Variants in DLG2 observed in about 807,000 individuals in gnomAD.
The protein encoded by DLG2 is discs large MAGUK scaffold protein 2.
In DLG2, 45 loss-of-function variants were observed where a neutral mutation model predicts 132.5. The ratio of observed to expected loss-of-function variants is 0.34; its 90% confidence interval spans 0.27 to 0.44. The LOEUF (loss-of-function observed/expected upper bound fraction) is 0.44. DLG2 is among the 20% of genes least tolerant of loss of function. DLG2 has a pLI of 1.00. For synonymous variants in DLG2, 424 were observed against 419.6 expected, an observed-to-expected ratio of 1.01 and a Z score of -0.13; for missense variants, 1,045 against 1,196.9, an observed-to-expected ratio of 0.87 and a Z score of 1.87.
intron 4 of DLG2, among the ~76,000 whole-genome samples, chr11:85,159,666 A>G (rs2077875542): frequency 6.6e-6 from 1 of 152,166 alleles, no homozygotes; most frequent in African/African-American, 2.4e-5. Context: ...TCATTGCTTG[A>G]GCAAATTAAC....
chr11:84,797,485 T>G (rs1304562298), intron 6 of DLG2, among the ~76,000 whole-genome samples: 1 of 152,196 alleles, frequency 6.6e-6, no homozygotes, highest in Non-Finnish European at 1.5e-5. Context: ...TTCTTTCTTC[T>G]TTTTGATCAA....
intron 3 of DLG2, among the ~76,000 whole-genome samples, chr11:85,517,241 A>T (rs903807745): frequency 1.3e-5 from 2 of 151,964 alleles, no homozygotes; most frequent in African/African-American, 4.8e-5. Context: ...TCATGATTTA[A>T]AAAAAAACCC....
At chr11:84,637,625 T>TCTTGTC (rs997783533) in intron 6 of DLG2, among the ~76,000 whole-genome samples, 1 of 152,230 alleles carries the variant, frequency 6.6e-6, no homozygotes, top group Non-Finnish European at 1.5e-5. Context: ...CTTCATTTGT[T>TCTTGTC]CTTGTCTGGG....
chr11:83,588,920 T>C (rs10898139), intron 19 of DLG2, among the ~76,000 whole-genome samples: 104,749 of 147,050 alleles, frequency 0.71, 37,971 homozygotes, highest in African/African-American at 0.85. Flanking sequence ...TGAAATGAAG[T>C]GAGAAGGGAA....
intron 18 of DLG2, chr11:83,682,303 G>A (rs1258778645): frequency 1.0e-6 from 1 of 985,208 alleles, no homozygotes; most frequent in Non-Finnish European, 1.2e-6. Flanking sequence ...CTCACTAGCG[G>A]AACCTGATGA....
chr11:83,840,835 C>A (rs1595241501), intron 16 of DLG2, among the ~76,000 whole-genome samples: 4 of 152,198 alleles, frequency 2.6e-5, no homozygotes, highest in African/African-American at 9.7e-5. Context: ...CCATGGTGCT[C>A]AGAATGGTAC....
At chr11:85,214,040 T>TGAGAAGTTATGTAGGTAGAGAGAA (rs2082417138) in intron 4 of DLG2, among the ~76,000 whole-genome samples, 1 of 152,080 alleles carries the variant, frequency 6.6e-6, no homozygotes, top group African/African-American at 2.4e-5. Flanking sequence ...TCCTTCTCAT[T>TGAGAAGTTATGTAGGTAGAGAGAA]ATAGTAGGTT....
intron 7 of DLG2, among the ~76,000 whole-genome samples, chr11:84,360,254 G>A (rs1354604573): frequency 6.6e-6 from 1 of 151,628 alleles, no homozygotes; most frequent in Non-Finnish European, 1.5e-5. Context: ...TGATTATAGG[G>A]GTAGAAGGCT....
chr11:83,671,651 T>A (rs1473794600), intron 18 of DLG2, among the ~76,000 whole-genome samples: 3 of 152,196 alleles, frequency 2.0e-5, no homozygotes, highest in African/African-American at 7.2e-5. Flanking sequence ...AATAAATAAA[T>A]AATGCTTATT....
chr11:85,202,209 T>C (rs1461301717), intron 4 of DLG2, among the ~76,000 whole-genome samples: 1 of 149,524 alleles, frequency 6.7e-6, no homozygotes, highest in African/African-American at 2.4e-5. Flanking sequence ...TACAGAAAGG[T>C]GAAAGGTGAA....
At chr11:84,080,535 T>C (rs2096887411) in intron 10 of DLG2, among the ~76,000 whole-genome samples, 1 of 152,196 alleles carries the variant, frequency 6.6e-6, no homozygotes, top group Non-Finnish European at 1.5e-5. Context: ...TGAACAAAGG[T>C]CTAAAATACA....
chr11:83,534,378 ATGTGGGG>A (rs2095832626), intron 20 of DLG2, among the ~76,000 whole-genome samples: 1 of 152,180 alleles, frequency 6.6e-6, no homozygotes, highest in African/African-American at 2.4e-5. Flanking sequence ...AAATTTAAAG[ATGTGGGG>A]GAAAAAAGAG....
At chr11:83,500,508 T>C (rs1014145379) in intron 21 of DLG2, among the ~76,000 whole-genome samples, 12 of 152,170 alleles carry the variant, frequency 7.9e-5, no homozygotes, top group African/African-American at 2.9e-4. Flanking sequence ...CCAACATCCA[T>C]CCTGCCTTGC....
chr11:83,971,083 G>A (rs1267360703), intron 12 of DLG2, among the ~76,000 whole-genome samples: 1 of 152,114 alleles, frequency 6.6e-6, no homozygotes, highest in African/African-American at 2.4e-5. Flanking sequence ...ACACTGATTG[G>A]CTAGTTGCTC....
In DLG2 at chr11:83,667,970, C is replaced by T. The variant is rs556180695; in HGVS notation, c.1826-34645G>A. Among the ~76,000 whole-genome samples the T allele has an allele frequency of 8.2e-4, 33 of 40,328 alleles. No homozygotes were observed. The Admixed American group carries it at 0.012, about 15-fold the overall frequency. 26.5% of individuals were successfully genotyped at this position (40,328 alleles called of 152,430 possible). ...CAGCCCGGGCGACAGAGTGAGACTC[C>T]GTCTCAAAAAAAAAAAAAAAAAAAA... On this transcript the variant is annotated intron_variant, in intron 18 of 27. Transcript: ENST00000376104.
chr11:83,800,420 G>A (rs1023371479), intron 17 of DLG2, among the ~76,000 whole-genome samples: 2 of 152,210 alleles, frequency 1.3e-5, no homozygotes, highest in Non-Finnish European at 2.9e-5. Context: ...ATGTTTCAGA[G>A]TGAGTGAACT....
chr11:84,674,734 A>C (rs2099709490), intron 6 of DLG2, among the ~76,000 whole-genome samples: 1 of 152,292 alleles, frequency 6.6e-6, no homozygotes, highest in South Asian at 2.1e-4. Flanking sequence ...TCAGGAGTTA[A>C]GCAGCATGAC....
intron 19 of DLG2, among the ~76,000 whole-genome samples, chr11:83,574,359 A>T (rs2096842862): frequency 6.6e-6 from 1 of 152,198 alleles, no homozygotes; most frequent in African/African-American, 2.4e-5. Context: ...TAGGGACTAA[A>T]CTTATCCCAA....
At chr11:84,320,821 C>T (rs913820042) in intron 7 of DLG2, among the ~76,000 whole-genome samples, 2 of 152,122 alleles carry the variant, frequency 1.3e-5, no homozygotes, top group African/African-American at 2.4e-5. Flanking sequence ...TTGTAACTAG[C>T]ATAGTTGGAT....
Sources: allele counts gnomAD v4.1 joint callset (sites outside exome capture counted in the v4.1 genomes callset), GRCh38; gene constraint gnomAD v4.1.1; transcripts MANE v1.5; gene names NCBI Gene and HGNC (gene_info 2026-07-23, HGNC 2026-07-21).